STXBP6: variants seen among roughly 807,000 people sequenced by gnomAD.
STXBP6 encodes syntaxin binding protein 6, also known as syntaxin-binding protein 6.
In STXBP6, 21 loss-of-function variants were observed where a neutral mutation model predicts 26.9. The observed-to-expected ratio is 0.78, with a 90% CI of 0.55 to 1.12. The LOEUF is 1.12. Among genes scored for constraint, STXBP6 ranks in the 50% most tolerant of loss-of-function variants. STXBP6 has a pLI of 0.00. For synonymous variants in STXBP6, 97 were observed against 92.6 expected (o/e 1.05, Z -0.27); for missense variants, 232 against 257.9 (o/e 0.90, Z 0.69).
intron 2 of STXBP6, among the ~76,000 whole-genome samples, chr14:24,954,341 C>T (rs1180398920): frequency 2.6e-5 from 4 of 152,050 alleles, no homozygotes; most frequent in Non-Finnish European, 5.9e-5. Context: ...GAAGAGAAGA[C>T]TCTGGAAAGC....
chr14:24,869,848 G>C (rs1394593667), intron 2 of STXBP6, among the ~76,000 whole-genome samples: 3 of 152,144 alleles, frequency 2.0e-5, no homozygotes, highest in African/African-American at 2.4e-5. Flanking sequence ...GAGAGAAGCT[G>C]TTGCTCTCAG....
At chr14:25,017,223 C>T (rs777528763) in intron 1 of STXBP6, among the ~76,000 whole-genome samples, 5 of 152,124 alleles carry the variant, frequency 3.3e-5, no homozygotes, top group African/African-American at 4.8e-5. Context: ...CCTCTACGGC[C>T]GCCCCTATGT....
At chr14:24,973,508 C>T (rs1230745619) in intron 2 of STXBP6, among the ~76,000 whole-genome samples, 1 of 151,454 alleles carries the variant, frequency 6.6e-6, no homozygotes, top group Non-Finnish European at 1.5e-5. Context: ...GTCTCAGCCG[C>T]CTGAGTAGCT....
chr14:24,829,061 G>A (rs757157837), intron 4 of STXBP6, among the ~76,000 whole-genome samples: 2 of 152,060 alleles, frequency 1.3e-5, no homozygotes, highest in East Asian at 1.9e-4. Context: ...ACCAGGCCCT[G>A]TGCCCCCTGT....
chr14:24,943,600 C>A (rs1018629630), intron 2 of STXBP6, among the ~76,000 whole-genome samples: 2 of 152,122 alleles, frequency 1.3e-5, no homozygotes, highest in African/African-American at 2.4e-5. Context: ...ATGGAAACTG[C>A]CAGGTTTACT....
intron 1 of STXBP6, among the ~76,000 whole-genome samples, chr14:24,997,500 CTGTA>C (rs148621827): frequency 0.017 from 2,586 of 152,268 alleles, 63 homozygotes; most frequent in African/African-American, 0.06. Context: ...ATGGATACTA[CTGTA>C]TGTATTTGTT....
rs532806599 is a variant in STXBP6, at chr14:24,846,869, T to C, written c.451+9067A>G. 2.7e-3 allele frequency among the ~76,000 whole-genome samples: 410 copies of C among 152,292 alleles called. 10 individuals are homozygous for C. Among genetic ancestry groups the C allele is most frequent in the Middle Eastern group, 3.4e-3 (1 of 294 alleles). ...TTACTTTAATGATCAGAAACATGGT[T>C]AAAATTTTTAGAAGTTTATCATATA... On this transcript the variant is annotated intron_variant, in intron 4 of 5. Transcript: ENST00000323944.
At chr14:24,957,732 A>C (rs2073389018) in intron 2 of STXBP6, among the ~76,000 whole-genome samples, 1 of 152,218 alleles carries the variant, frequency 6.6e-6, no homozygotes, top group Non-Finnish European at 1.5e-5. Flanking sequence ...CATTTTACAT[A>C]AATGGAAACT....
chr14:24,832,585 A>G (rs914461296), intron 4 of STXBP6, among the ~76,000 whole-genome samples: 5 of 152,192 alleles, frequency 3.3e-5, no homozygotes, highest in Non-Finnish European at 7.3e-5. Flanking sequence ...TTTGGTTACT[A>G]ATGAATTCCT....
At chr14:24,915,488 T>A (rs1409696234) in intron 2 of STXBP6, among the ~76,000 whole-genome samples, 5 of 152,170 alleles carry the variant, frequency 3.3e-5, no homozygotes. Flanking sequence ...ATACTGGTTC[T>A]TACTTAGCAA....
intron 4 of STXBP6, among the ~76,000 whole-genome samples, chr14:24,847,126 CAAAG>C (rs1465633589): frequency 1.3e-5 from 2 of 152,084 alleles, no homozygotes; most frequent in Non-Finnish European, 2.9e-5. Flanking sequence ...TACTAAATGA[CAAAG>C]AAAAGAGCAC....
intron 1 of STXBP6, among the ~76,000 whole-genome samples, chr14:25,039,453 T>TCTGA (rs954321581): frequency 1.3e-5 from 2 of 152,220 alleles, no homozygotes; most frequent in African/African-American, 2.4e-5. Flanking sequence ...TCAGCTGCTT[T>TCTGA]CTGACTGTCT....
At chr14:24,869,135 C>A (rs533143430) in intron 2 of STXBP6, among the ~76,000 whole-genome samples, 89 of 152,292 alleles carry the variant, frequency 5.8e-4, no homozygotes, top group African/African-American at 2.1e-3. Context: ...CCATTCCGAT[C>A]ACAAATAACT....
At chr14:24,985,744 C>T (rs1402073041) in intron 1 of STXBP6, among the ~76,000 whole-genome samples, 1 of 152,118 alleles carries the variant, frequency 6.6e-6, no homozygotes, top group African/African-American at 2.4e-5. Context: ...TATTTGACAC[C>T]CTTTTGGGCC....
chr14:25,011,651 A>G (rs2075034630), intron 1 of STXBP6, among the ~76,000 whole-genome samples: 1 of 152,182 alleles, frequency 6.6e-6, no homozygotes, highest in African/African-American at 2.4e-5. Context: ...TTAGAGATTT[A>G]TATACTGTTC....
At chr14:24,881,992 C>T (rs540985684) in intron 2 of STXBP6, among the ~76,000 whole-genome samples, 19 of 152,182 alleles carry the variant, frequency 1.2e-4, no homozygotes, top group Non-Finnish European at 2.2e-4. Context: ...TTGGCAGGGC[C>T]CTCCTCTCAC....
intron 4 of STXBP6, among the ~76,000 whole-genome samples, chr14:24,852,876 A>G (rs867162186): frequency 6.6e-6 from 1 of 152,220 alleles, no homozygotes; most frequent in Middle Eastern, 3.4e-3. Context: ...GGCTTTAAGG[A>G]GCCAATAAGT....
chr14:24,898,927 A>G (rs1353748403), intron 2 of STXBP6, among the ~76,000 whole-genome samples: 1 of 152,218 alleles, frequency 6.6e-6, no homozygotes, highest in Admixed American at 6.5e-5. Flanking sequence ...TTCTATACTC[A>G]GAGGCATCAT....
In STXBP6 at chr14:25,013,761, C is replaced by G. The variant is rs184734055; in HGVS notation, c.-33+36117G>C. The stretch of plus-strand genomic sequence containing the variant: ...GACAAAAAAAAAAAAAAATAGATCA[C>G]AAGGAAAAGATAGTGAAGGGTGAAT... On this transcript the variant is annotated intron_variant, in intron 1 of 5. Coordinates refer to ENST00000323944, the MANE Select transcript of STXBP6 (RefSeq NM_001394410.1). 4.3e-3 allele frequency among the ~76,000 whole-genome samples: 626 copies of G among 146,878 alleles called. 3 individuals carry two copies. The highest frequency in any genetic ancestry group is 0.014 in the African/African-American group (553 of 39,890).
Sources: gnomAD v4.1 joint callset for allele counts (sites outside exome capture counted in the v4.1 genomes callset) on GRCh38, gnomAD v4.1.1 for gene constraint, MANE v1.5 for transcripts, NCBI Gene and HGNC (gene_info 2026-07-23, HGNC 2026-07-21) for gene names.